NDNF: variants seen among roughly 807,000 people sequenced by gnomAD.
NDNF encodes neuron derived neurotrophic factor.
A neutral mutation model predicts 42.0 loss-of-function variants in NDNF; 16 were observed. The ratio of observed to expected loss-of-function variants is 0.38; its 90% CI spans 0.26 to 0.58. NDNF has a LOEUF of 0.58. Among genes scored for constraint, NDNF ranks in the 20% least tolerant of loss-of-function variants. The probability of loss-of-function intolerance (pLI) is 0.67; values close to 1 mark genes in which losing one functional copy is unlikely to be tolerated. For synonymous variants in NDNF, 248 were observed against 251.7 expected (o/e 0.99, Z 0.14); for missense variants, 616 against 666.2 (o/e 0.92, Z 0.83).
intron 1 of NDNF, among the ~76,000 whole-genome samples, chr4:121,051,229 G>T (rs535100423): frequency 6.7e-4 from 102 of 152,258 alleles, no homozygotes; most frequent in African/African-American, 2.3e-3. Context: ...ATGGGAACTT[G>T]CTTCTCCCCT....
chr4:121,065,205 C>T (rs904876661), intron 1 of NDNF, among the ~76,000 whole-genome samples: 9 of 152,216 alleles, frequency 5.9e-5, no homozygotes, highest in South Asian at 2.1e-4. Context: ...AGAGTGCTTT[C>T]GTTAATTGAT....
chr4:121,069,100 A>C (rs1727547164), intron 1 of NDNF, among the ~76,000 whole-genome samples: 2 of 152,176 alleles, frequency 1.3e-5, no homozygotes, highest in Non-Finnish European at 2.9e-5. Context: ...TCCACAACAG[A>C]GTCTGGTCGA....
chr4:121,053,227 C>A (rs1446140684), intron 1 of NDNF, among the ~76,000 whole-genome samples: 1 of 152,172 alleles, frequency 6.6e-6, no homozygotes, highest in Non-Finnish European at 1.5e-5. Flanking sequence ...TGCCAACTTT[C>A]CTTCTGGAAG....
rs1490286059 is a variant in NDNF at position 121,036,007 on chromosome 4, G to A, written c.*257C>T. 9.9e-6 allele frequency: 4 copies of A among 404,460 alleles called. No individual in the cohort carries two copies. Among genetic ancestry groups the A allele is most frequent in the Non-Finnish European group, 1.3e-5 (3 of 228,844 alleles). The allele number at this position is 404,460 out of a possible 1,614,324, so 25.1% of individuals were successfully genotyped here. A position where few individuals can be genotyped will look rare whatever the true frequency, so the allele number is the denominator to read the frequency against. ...CATGCAGTGGTCAAAGCAAGGAATG[G>A]CAAGTTCCTTCAAGAAGCCCTCTAT... On this transcript the variant is annotated 3_prime_UTR_variant, in exon 4 of 4. Coordinates refer to ENST00000379692, the MANE Select transcript of NDNF (RefSeq NM_024574.4).
intron 1 of NDNF, among the ~76,000 whole-genome samples, chr4:121,067,529 A>G (rs1727520881): frequency 1.3e-5 from 2 of 152,202 alleles, no homozygotes; most frequent in South Asian, 4.1e-4. Flanking sequence ...TACTTTTCTC[A>G]TAAACTTGAG....
At chr4:121,067,582 A>G (rs999092577) in intron 1 of NDNF, among the ~76,000 whole-genome samples, 2 of 152,194 alleles carry the variant, frequency 1.3e-5, no homozygotes, top group Non-Finnish European at 2.9e-5. Flanking sequence ...AGTTAACTCA[A>G]TGAGTTCCTT....
chr4:121,039,138 T>C (rs1211229074), intron 3 of NDNF, among the ~76,000 whole-genome samples: 2 of 36,934 alleles, frequency 5.4e-5, no homozygotes, highest in Non-Finnish European at 7.2e-5. Context: ...TAGTTATATA[T>C]ATATGTGTAT....
intron 1 of NDNF, among the ~76,000 whole-genome samples, chr4:121,070,854 C>G (rs1362324039): frequency 6.6e-6 from 1 of 152,140 alleles, no homozygotes; most frequent in Non-Finnish European, 1.5e-5. Context: ...GACAGCGCCC[C>G]GAAGGGGGCC....
Position 121,036,321 on chromosome 4 carries a change from A to G in NDNF, c.1650T>C (p.His550=), listed in dbSNP as rs541481533. 8 of 1,614,050 alleles carry G rather than the reference A, an allele frequency of 5.0e-6. No individual in the cohort carries two copies. The highest frequency in any genetic ancestry group is 4.0e-5 in the African/African-American group (3 of 75,054). Residue 550 remains histidine, a synonymous_variant, in exon 4 of 4, where the codon CAT becomes CAC. Transcript: ENST00000379692. The part of the protein sequence containing the change: ...SYLLDVYVIG[H]GGHSVKYQSK... ...TCTGATACTTTACAGAGTGCCCCCC[A>G]TGTCCTATGACATAAACATCCAGCA...
chr4:121,061,437 C>T (rs1727405779), intron 1 of NDNF: 1 of 153,160 alleles, frequency 6.5e-6, no homozygotes, highest in South Asian at 2.1e-4. Flanking sequence ...CCCTGGCGAT[C>T]AAAGGGTTGA....
intron 2 of NDNF, among the ~76,000 whole-genome samples, chr4:121,040,333 C>A (rs1456098959): frequency 6.6e-6 from 1 of 151,966 alleles, no homozygotes; most frequent in East Asian, 1.9e-4. Context: ...CACATTGAAC[C>A]CAAAGTATTT....
At chr4:121,065,877 AT>A (rs1727491381) in intron 1 of NDNF, among the ~76,000 whole-genome samples, 1 of 152,198 alleles carries the variant, frequency 6.6e-6, no homozygotes, top group East Asian at 1.9e-4. Context: ...CCCATTTCCC[AT>A]TGCAGAGATA....
chr4:121,039,570 C>G (rs1301748370), intron 3 of NDNF, among the ~76,000 whole-genome samples: 2 of 151,914 alleles, frequency 1.3e-5, no homozygotes, highest in Non-Finnish European at 1.5e-5. Flanking sequence ...TGGACCTCAC[C>G]CCATTCCAAT....
At chr4:121,071,430 C>G (rs1042929688) in intron 1 of NDNF, 4 of 152,256 alleles carry the variant, frequency 2.6e-5, no homozygotes, top group Non-Finnish European at 4.4e-5. Flanking sequence ...CAGACGCCCA[C>G]CAAGAACTCG....
intron 1 of NDNF, among the ~76,000 whole-genome samples, chr4:121,057,265 C>T (rs767945381): frequency 6.6e-6 from 1 of 152,180 alleles, no homozygotes; most frequent in Non-Finnish European, 1.5e-5. Flanking sequence ...GAAGAAGGAA[C>T]ATTTCAGCAA....
At chr4:121,049,346 G>C (rs1912680) in intron 1 of NDNF, among the ~76,000 whole-genome samples, 112,684 of 152,084 alleles carry the variant, frequency 0.74, 43,509 homozygotes, top group East Asian at 0.88. Context: ...GGCTACCACC[G>C]ATTATAGAAG....
chr4:121,056,088 C>G (rs1292611635), intron 1 of NDNF, among the ~76,000 whole-genome samples: 1 of 152,132 alleles, frequency 6.6e-6, no homozygotes, highest in East Asian at 1.9e-4. Flanking sequence ...AACAGATAGG[C>G]TAAATAAAAC....
At position 121,072,355 on chromosome 4, in the gene NDNF, G is replaced by A. The variant is rs559719084; in HGVS notation, c.-364C>T. 1 of 151,694 alleles carries A rather than the reference G, an allele frequency of 6.6e-6. No individual in the cohort carries two copies. Among genetic ancestry groups the A allele is most frequent in the East Asian group, 2.0e-4 (1 of 5,122 alleles). The allele number at this position is 151,694 out of a possible 1,614,324, so 9.4% of individuals were successfully genotyped here. On this transcript the variant is annotated 5_prime_UTR_variant, in exon 1 of 4. Coordinates refer to ENST00000379692, the MANE Select transcript of NDNF (RefSeq NM_024574.4). ...GGAGCGTGCGGGGGCTGGGCGGCGG[G>A]AGGATGCCGCAGCGACCCGCGGGGC...
At chr4:121,047,758 T>C (rs905569495) in intron 1 of NDNF, among the ~76,000 whole-genome samples, 9 of 152,166 alleles carry the variant, frequency 5.9e-5, no homozygotes, top group Admixed American at 6.5e-5. Context: ...CTGAATAAAC[T>C]TTTCTTCCTA....
Sources: gnomAD v4.1 joint callset for allele counts (sites outside exome capture counted in the v4.1 genomes callset) on GRCh38, gnomAD v4.1.1 for gene constraint, MANE v1.5 for transcripts, NCBI Gene and HGNC (gene_info 2026-07-23, HGNC 2026-07-21) for gene names.